The following KCNMA1 variants were observed in gnomAD, a reference collection of about 807,000 sequenced individuals.
KCNMA1 encodes the protein Calcium-activated potassium channel subunit alpha-1.
A neutral mutation model predicts 140.0 loss-of-function variants in KCNMA1; 29 were observed. The ratio of observed to expected loss-of-function variants is 0.21; its 90% confidence interval spans 0.15 to 0.28. The LOEUF is 0.28. KCNMA1 is among the 10% of genes least tolerant of loss of function. KCNMA1 has a pLI of 1.00. For synonymous variants in KCNMA1, 612 were observed against 611.9 expected (o/e 1.00, Z 0.00); for missense variants, 880 against 1,602.2 (o/e 0.55, Z 7.70).
intron 25 of KCNMA1, among the ~76,000 whole-genome samples, chr10:76,900,569 T>C (rs925355059): frequency 1.3e-5 from 2 of 152,058 alleles, no homozygotes; most frequent in Non-Finnish European, 2.9e-5. Context: ...AGGCAAAAAA[T>C]GTAGCCACAA....
At chr10:77,570,579 G>GGT (rs2070694842) in intron 1 of KCNMA1, among the ~76,000 whole-genome samples, 1 of 62,070 alleles carries the variant, frequency 1.6e-5, no homozygotes, top group Non-Finnish European at 3.3e-5. Flanking sequence ...ACACTCTGGG[G>GGT]ACTGTTGTGG....
chr10:77,464,832 A>G (rs755148775), intron 1 of KCNMA1, among the ~76,000 whole-genome samples: 3 of 152,196 alleles, frequency 2.0e-5, no homozygotes, highest in Non-Finnish European at 2.9e-5. Context: ...TAAGAGGATA[A>G]ATCTGGGAGG....
At chr10:77,244,150 C>G (rs919768545) in intron 3 of KCNMA1, among the ~76,000 whole-genome samples, 1 of 152,192 alleles carries the variant, frequency 6.6e-6, no homozygotes, top group African/African-American at 2.4e-5. Flanking sequence ...TAGAAAAGGA[C>G]TGGGAGAGAA....
At chr10:77,022,141 C>T (rs2153496993) in intron 16 of KCNMA1, among the ~76,000 whole-genome samples, 1 of 152,266 alleles carries the variant, frequency 6.6e-6, no homozygotes, top group South Asian at 2.1e-4. Flanking sequence ...TCTCTGATCT[C>T]TTTAGGAGAG....
intron 1 of KCNMA1, chr10:77,587,860 A>G: frequency 4.1e-6 from 4 of 985,436 alleles, no homozygotes; most frequent in Non-Finnish European, 4.8e-6. Flanking sequence ...GTCTTCAGAT[A>G]TATGTGCCAC....
intron 1 of KCNMA1, among the ~76,000 whole-genome samples, chr10:77,603,119 T>A (rs188922084): frequency 6.6e-6 from 1 of 152,216 alleles, no homozygotes; most frequent in African/African-American, 2.4e-5. Flanking sequence ...AAATCAGGCA[T>A]AAAAACTGCT....
chr10:77,318,143 C>A (rs1324501969), intron 2 of KCNMA1, among the ~76,000 whole-genome samples: 1 of 152,128 alleles, frequency 6.6e-6, no homozygotes, highest in Non-Finnish European at 1.5e-5. Context: ...GAGGTCACTC[C>A]AACTTAGAAA....
At chr10:77,136,014 C>T (rs989174289) in intron 5 of KCNMA1, among the ~76,000 whole-genome samples, 3 of 152,150 alleles carry the variant, frequency 2.0e-5, no homozygotes, top group African/African-American at 7.2e-5. Flanking sequence ...TTAATAGCAA[C>T]ATATTTGAGC....
chr10:77,172,692 CA>C (rs139583823), intron 5 of KCNMA1, among the ~76,000 whole-genome samples: 12,834 of 53,932 alleles, frequency 0.24, 682 homozygotes, highest in African/African-American at 0.4. Flanking sequence ...AATTCTTTCT[CA>C]AAAAAAAACA....
intron 2 of KCNMA1, among the ~76,000 whole-genome samples, chr10:77,383,029 TTCC>T (rs2095482012): frequency 8.8e-6 from 1 of 113,572 alleles, no homozygotes; most frequent in African/African-American, 3.4e-5. Context: ...TATATATATA[TTCC>T]AAGTGGAGGA....
At chr10:77,550,109 A>G (rs1017931197) in intron 1 of KCNMA1, among the ~76,000 whole-genome samples, 1 of 152,242 alleles carries the variant, frequency 6.6e-6, no homozygotes, top group Admixed American at 6.5e-5. Flanking sequence ...CAAGCCAGGC[A>G]GTGATGCTCA....
At chr10:77,508,439 C>G (rs889778759) in intron 1 of KCNMA1, among the ~76,000 whole-genome samples, 8 of 151,512 alleles carry the variant, frequency 5.3e-5, no homozygotes, top group Admixed American at 1.3e-4. Context: ...CCTGCCTCGG[C>G]CTCCCAAAGT....
intron 5 of KCNMA1, among the ~76,000 whole-genome samples, chr10:77,164,534 T>C (rs1205661673): frequency 6.7e-6 from 1 of 150,184 alleles, no homozygotes; most frequent in African/African-American, 2.5e-5. Context: ...TTTTTTTTTT[T>C]GGAATCCTGA....
In KCNMA1 at chr10:77,608,314, G is replaced by A. The variant is rs12244903; in HGVS notation, c.378+28951C>T. On this transcript the variant is annotated intron_variant, in intron 1 of 27. Transcript: ENST00000286628. ...CAGCCTCAAGAGTAGCTGGGACTAC[G>A]GGGATGTGCCACCACGCCTGGCTAA... is the stretch of plus-strand genomic sequence containing the variant. Among the ~76,000 whole-genome samples, 1,313 of 152,130 alleles carry A rather than the reference G, an allele frequency of 8.6e-3. 22 individuals carry two copies. The highest frequency in any genetic ancestry group is 0.03 in the African/African-American group (1,229 of 41,504).
chr10:77,159,576 A>G (rs775181286), intron 5 of KCNMA1, among the ~76,000 whole-genome samples: 3 of 152,002 alleles, frequency 2.0e-5, no homozygotes, highest in Non-Finnish European at 4.4e-5. Context: ...CTCCACTTCA[A>G]CTTAAGTTAC....
chr10:77,561,870 A>T (rs2066504236), intron 1 of KCNMA1, among the ~76,000 whole-genome samples: 1 of 152,228 alleles, frequency 6.6e-6, no homozygotes, highest in Admixed American at 6.5e-5. Flanking sequence ...AATTTTGGCC[A>T]CTGCAAACAG....
At chr10:77,362,513 T>A (rs887581093) in intron 2 of KCNMA1, among the ~76,000 whole-genome samples, 5 of 151,996 alleles carry the variant, frequency 3.3e-5, no homozygotes, top group African/African-American at 9.7e-5. Flanking sequence ...AACTGCTCCA[T>A]CCATAAAGCG....
chr10:77,270,474 T>C (rs2064729304), intron 2 of KCNMA1, among the ~76,000 whole-genome samples: 1 of 116,842 alleles, frequency 8.6e-6, no homozygotes, highest in Admixed American at 7.8e-5. Flanking sequence ...TCAAGCTCTC[T>C]TTCTTTCCTT....
chr10:77,155,835 T>G (rs548842463), intron 5 of KCNMA1, among the ~76,000 whole-genome samples: 1 of 152,010 alleles, frequency 6.6e-6, no homozygotes, highest in Non-Finnish European at 1.5e-5. Context: ...AGTGAAACAA[T>G]TACATAACTA....
Sources: allele counts gnomAD v4.1 joint callset (sites outside exome capture counted in the v4.1 genomes callset), GRCh38; gene constraint gnomAD v4.1.1; transcripts MANE v1.5; gene names NCBI Gene and HGNC (gene_info 2026-07-23, HGNC 2026-07-21).